IL1RAPL2: variants seen among roughly 807,000 people sequenced by gnomAD.
IL1RAPL2 encodes interleukin 1 receptor accessory protein like 2, also known as X-linked interleukin-1 receptor accessory protein-like 2.
IL1RAPL2 carries 3 observed loss-of-function variants against 44.1 expected under a neutral mutation model. That is an observed-to-expected ratio of 0.07 (90% confidence interval 0.03 to 0.18). IL1RAPL2 has a LOEUF of 0.18. Among genes scored for constraint, IL1RAPL2 ranks in the 10% least tolerant of loss-of-function variants. The pLI is 1.00. For missense variants in IL1RAPL2, 391 were observed against 496.4 expected, an observed-to-expected ratio of 0.79 and a Z score of 2.02; for synonymous variants, 181 against 178.8, an observed-to-expected ratio of 1.01 and a Z score of -0.10.
intron 5 of IL1RAPL2, among the ~76,000 whole-genome samples, chrX:105,442,119 C>T (rs776215138): frequency 1.7e-4 from 19 of 109,963 alleles, no homozygotes; most frequent in Admixed American, 1.6e-3. Context: ...GGTGCGATCT[C>T]GGCTCACTGC....
At chrX:105,426,014 CT>C (rs1235783383) in intron 5 of IL1RAPL2, among the ~76,000 whole-genome samples, 3 of 101,574 alleles carry the variant, frequency 3.0e-5, no homozygotes, top group Non-Finnish European at 4.1e-5. Context: ...TTTATTTTTT[CT>C]GTTTTTTTTT....
chrX:104,644,223 A>G (rs766824070), intron 1 of IL1RAPL2, among the ~76,000 whole-genome samples: 2 of 112,102 alleles, frequency 1.8e-5, no homozygotes, highest in African/African-American at 6.5e-5. Context: ...TAATGACTCA[A>G]TTGGAAACAA....
intron 5 of IL1RAPL2, among the ~76,000 whole-genome samples, chrX:105,404,785 G>A (rs903164730): frequency 2.7e-5 from 3 of 111,915 alleles, no homozygotes; most frequent in Non-Finnish European, 5.6e-5. Context: ...AAGGCTCTTA[G>A]TATACATTCA....
chrX:104,627,412 A>G (rs926917538), intron 1 of IL1RAPL2, among the ~76,000 whole-genome samples: 6 of 108,537 alleles, frequency 5.5e-5, no homozygotes, highest in East Asian at 3.0e-4. Flanking sequence ...CAGCACACCA[A>G]CATGGCACAT....
At chrX:105,226,120 T>A (rs2147631062) in intron 3 of IL1RAPL2, among the ~76,000 whole-genome samples, 1 of 111,581 alleles carries the variant, frequency 9.0e-6, no homozygotes, top group African/African-American at 3.3e-5. Flanking sequence ...AAATTTGTGT[T>A]TCTTAAGCTT....
chrX:104,778,229 C>T (rs1033714120), intron 2 of IL1RAPL2, among the ~76,000 whole-genome samples: 7 of 110,139 alleles, frequency 6.4e-5, no homozygotes, highest in African/African-American at 2.3e-4. Context: ...GAGTTCTTTA[C>T]ACATTCTAGG....
At chrX:105,679,114 A>G (rs767815822) in intron 6 of IL1RAPL2, among the ~76,000 whole-genome samples, 48 of 108,986 alleles carry the variant, frequency 4.4e-4, no homozygotes, top group Non-Finnish European at 8.0e-4. Flanking sequence ...CTTGTTTGCT[A>G]TATGGAATCA....
At chrX:105,028,498 T>A (rs1018631674) in intron 2 of IL1RAPL2, among the ~76,000 whole-genome samples, 26 of 111,470 alleles carry the variant, frequency 2.3e-4, no homozygotes, top group Non-Finnish European at 3.4e-4. Flanking sequence ...TAAATTTTTT[T>A]AAAAGTTTTG....
intron 2 of IL1RAPL2, among the ~76,000 whole-genome samples, chrX:104,689,637 T>G (rs746809306): frequency 8.9e-6 from 1 of 111,882 alleles, no homozygotes; most frequent in Non-Finnish European, 1.9e-5. Flanking sequence ...CTGTGCCATA[T>G]TTTGGTTTTA....
intron 2 of IL1RAPL2, among the ~76,000 whole-genome samples, chrX:104,682,193 G>C (rs1320667673): frequency 9.0e-6 from 1 of 111,686 alleles, no homozygotes; most frequent in Non-Finnish European, 1.9e-5. Context: ...GGTCAGTGTG[G>C]TAATATATTT....
In IL1RAPL2 at chrX:105,551,299, A is replaced by AC. The variant is rs1334115727; in HGVS notation, c.772+66912_772+66913insC. Among the ~76,000 whole-genome samples the AC allele has an allele frequency of 5.1e-3, 562 of 109,899 alleles. 4 individuals are homozygous for AC. Among genetic ancestry groups the AC allele is most frequent in the African/African-American group, 0.018 (538 of 30,252 alleles). On this transcript the variant is annotated intron_variant, in intron 6 of 10. Transcript: ENST00000372582. ...CCATGCACTTTACCAAAAAAAAAAA[A>AC]AACAACAACAACAAAAAAAACACAT...
intron 6 of IL1RAPL2, among the ~76,000 whole-genome samples, chrX:105,540,949 G>C (rs368072401): frequency 0.054 from 350 of 6,479 alleles, 6 homozygotes; most frequent in South Asian, 0.13. Context: ...TATTATATAT[G>C]ATATATAAAT....
chrX:105,577,382 C>A (rs1316062408), intron 6 of IL1RAPL2, among the ~76,000 whole-genome samples: 1 of 110,659 alleles, frequency 9.0e-6, no homozygotes, highest in Non-Finnish European at 1.9e-5. Flanking sequence ...TCTTTGCCCT[C>A]GTGCTAAATG....
At chrX:104,868,441 G>A (rs776873098) in intron 2 of IL1RAPL2, among the ~76,000 whole-genome samples, 3 of 111,482 alleles carry the variant, frequency 2.7e-5, no homozygotes, top group Admixed American at 9.5e-5. Context: ...AAATACCGAC[G>A]AAAACAACGG....
In IL1RAPL2 at chrX:104,677,215, C is replaced by T. The variant is rs544576746; in HGVS notation, c.82+18220C>T. 8.1e-5 allele frequency among the ~76,000 whole-genome samples: 9 copies of T among 111,688 alleles called. No individual in the cohort carries two copies. The South Asian group carries it at 3.4e-3, about 43-fold the overall frequency. Reference sequence around the variant, plus strand: ...CAGTTTTCCTGTTCTGTTTTTTCCCCATCTTTGTGGTTTTATATACTTTTG... The same window carrying T: ...CAGTTTTCCTGTTCTGTTTTTTCCCTATCTTTGTGGTTTTATATACTTTTG... On this transcript the variant is annotated intron_variant, in intron 2 of 10. Coordinates refer to ENST00000372582, the MANE Select transcript of IL1RAPL2 (RefSeq NM_017416.2).
chrX:105,423,813 C>G (rs1381201940), intron 5 of IL1RAPL2, among the ~76,000 whole-genome samples: 2 of 109,120 alleles, frequency 1.8e-5, no homozygotes, highest in Non-Finnish European at 3.8e-5. Context: ...AAGGAGTTAC[C>G]TACCTTCCAT....
At chrX:105,540,340 G>A (rs1014768973) in intron 6 of IL1RAPL2, among the ~76,000 whole-genome samples, 1 of 111,619 alleles carries the variant, frequency 9.0e-6, no homozygotes, top group Non-Finnish European at 1.9e-5. Context: ...TATACGCCAT[G>A]GAATAGTATG....
At chrX:105,284,381 T>C (rs2034555321) in intron 5 of IL1RAPL2, among the ~76,000 whole-genome samples, 1 of 112,350 alleles carries the variant, frequency 8.9e-6, no homozygotes, top group African/African-American at 3.2e-5. Context: ...CATTTGCTGC[T>C]AGATTTCCTT....
chrX:104,842,765 C>T (rs372952668), intron 2 of IL1RAPL2, among the ~76,000 whole-genome samples: 11 of 112,675 alleles, frequency 9.8e-5, no homozygotes, highest in African/African-American at 3.5e-4. Context: ...CCCCTGGAAG[C>T]TCCCTCCCAG....
Sources: allele counts gnomAD v4.1 joint callset (sites outside exome capture counted in the v4.1 genomes callset), GRCh38; gene constraint gnomAD v4.1.1; transcripts MANE v1.5; gene names NCBI Gene and HGNC (gene_info 2026-07-23, HGNC 2026-07-21).